Variants in ST3GAL2 observed in about 807,000 individuals in gnomAD.
The protein encoded by ST3GAL2 is ST3 beta-galactoside alpha-2,3-sialyltransferase 2.
A neutral mutation model predicts 37.5 loss-of-function variants in ST3GAL2; 16 were observed. The observed-to-expected ratio is 0.43, with a 90% CI of 0.29 to 0.65. The LOEUF is 0.65. Ranked by LOEUF, ST3GAL2 falls within the 30% of genes least tolerant of loss-of-function variation. ST3GAL2 has a pLI of 0.17. For synonymous variants in ST3GAL2, 238 were observed against 202.9 expected (o/e 1.17, Z -1.47); for missense variants, 383 against 487.8 (o/e 0.79, Z 2.02).
At chr16:70,403,139 G>A (rs2047567210) in intron 1 of ST3GAL2, among the ~76,000 whole-genome samples, 1 of 129,598 alleles carries the variant, frequency 7.7e-6, no homozygotes, top group African/African-American at 4.9e-5. Context: ...TATCCCAGGT[G>A]GTGGAGGTGG....
chr16:70,381,445 G>A lies in ST3GAL2; in HGVS notation c.*244C>T, dbSNP rs1181542775. On this transcript the variant is annotated 3_prime_UTR_variant, in exon 7 of 7. Transcript: ENST00000342907. ...CGCCCCCGAAGGCCATTGATTGGAG[G>A]AGACTGGACACAGCGCCGGAAGTTT... 8 of 529,846 alleles carry A rather than the reference G, an allele frequency of 1.5e-5. No homozygotes were observed. Among genetic ancestry groups the A allele is most frequent in the Non-Finnish European group, 2.3e-5 (7 of 297,996 alleles). The allele number at this position is 529,846 out of a possible 1,614,324, so 32.8% of individuals were successfully genotyped here.
intron 1 of ST3GAL2, among the ~76,000 whole-genome samples, chr16:70,408,903 AAAAAAAAAAAAAAAAAAAAAAAAAG>A (rs2047614287): frequency 3.6e-5 from 4 of 110,116 alleles, no homozygotes; most frequent in African/African-American, 2.0e-4. Context: ...AAAAAAAAAA[AAAAAAAAAAAAAAAAAAAAAAAAAG>A]AAAGAAAAAA....
rs942319982 is a variant in ST3GAL2 at position 70,381,692 on chromosome 16, G to C, written c.1050C>G (p.Asn350Lys). Reference sequence around the variant, plus strand: ...AAGGGTCGCGGCGAGGCCCGGCTCAGTTGCCCCGGTAGACTTCGATCTTGC... The same window carrying C: ...AAGGGTCGCGGCGAGGCCCGGCTCACTTGCCCCGGTAGACTTCGATCTTGC... Reference protein sequence around the residue: ...KASKIEVYRGN With the variant: ...KASKIEVYRGK The change falls in exon 7 of 7, where the codon AAC becomes AAG. Residue 350 changes from asparagine to lysine, a missense_variant. By Grantham distance (94) the Asn-to-Lys change is moderately conservative. Coordinates refer to ENST00000342907, the MANE Select transcript of ST3GAL2 (RefSeq NM_006927.4). The C allele has an allele frequency of 5.0e-6, 8 of 1,613,222 alleles. No individual in the cohort carries two copies. In the African/African-American group the frequency reaches 8.0e-5, roughly 16 times the overall value.
rs1281889773 is a variant in ST3GAL2 at position 70,398,534 on chromosome 16, G to T, written c.-4C>A. On this transcript the variant is annotated 5_prime_UTR_variant, in exon 2 of 7. Transcript: ENST00000342907. ...ACACCCGCAGGGAGCACTTCATGGT[G>T]CCGGCAGGCGGGTGACGGTCACCGT... The T allele has an allele frequency of 1.3e-6, 2 of 1,588,240 alleles. No homozygotes were observed. Among genetic ancestry groups the T allele is most frequent in the Non-Finnish European group, 8.6e-7 (1 of 1,167,340 alleles).
chr16:70,405,409 C>T (rs1404777240), intron 1 of ST3GAL2, among the ~76,000 whole-genome samples: 4 of 151,602 alleles, frequency 2.6e-5, no homozygotes, highest in African/African-American at 9.7e-5. Context: ...GGCATGGTGG[C>T]GGGAGCCTGT....
chr16:70,384,178 T>C (rs879612223), intron 4 of ST3GAL2, among the ~76,000 whole-genome samples: 1 of 152,096 alleles, frequency 6.6e-6, no homozygotes, highest in Admixed American at 6.6e-5. Context: ...GTTTATAAAA[T>C]ACATGGTGAT....
At chr16:70,421,618 C>G (rs939019645) in intron 1 of ST3GAL2, among the ~76,000 whole-genome samples, 1 of 152,216 alleles carries the variant, frequency 6.6e-6, no homozygotes, top group South Asian at 2.1e-4. Flanking sequence ...ACACAGGCAT[C>G]GCCCACATGA....
chr16:70,425,612 G>A (rs961752384), intron 1 of ST3GAL2, among the ~76,000 whole-genome samples: 3 of 152,066 alleles, frequency 2.0e-5, no homozygotes, highest in African/African-American at 7.2e-5. Flanking sequence ...CCAGCTACTC[G>A]GGAAGCTGAC....
chr16:70,435,230 A>G (rs927298647), intron 1 of ST3GAL2, among the ~76,000 whole-genome samples: 1 of 152,192 alleles, frequency 6.6e-6, no homozygotes, highest in Non-Finnish European at 1.5e-5. Flanking sequence ...GAATGAAAGA[A>G]AAGCCAAACC....
At chr16:70,398,134 G>C in intron 2 of ST3GAL2, 58 bp downstream of exon 2, 1 of 1,555,814 alleles carries the variant, frequency 6.4e-7, no homozygotes, top group African/African-American at 1.4e-5. Context: ...CCAAGAGGGG[G>C]CTCTGAGTGG....
chr16:70,411,895 G>A (rs767598665), intron 1 of ST3GAL2, among the ~76,000 whole-genome samples: 23 of 151,946 alleles, frequency 1.5e-4, no homozygotes, highest in Non-Finnish European at 3.1e-4. Flanking sequence ...TCAGGAGGGT[G>A]AGGTGGGAGA....
intron 1 of ST3GAL2, among the ~76,000 whole-genome samples, chr16:70,409,246 AAC>A (rs2047618698): frequency 6.6e-6 from 1 of 152,234 alleles, no homozygotes; most frequent in South Asian, 2.1e-4. Context: ...GAGCCTGGGC[AAC>A]AGAGTGAGAC....
chr16:70,409,805 A>ATTTTTTTTTT (rs980660367), intron 1 of ST3GAL2, among the ~76,000 whole-genome samples: 1 of 129,060 alleles, frequency 7.7e-6, no homozygotes. Flanking sequence ...ACCTGGCTAA[A>ATTTTTTTTTT]TTTTTTTTTT....
rs754022182 is a variant in ST3GAL2 at position 70,381,645 on chromosome 16, C to T, written c.*44G>A. ...GGTCCTGGGTCCCGGGCCGGAGCCC[C>T]GGTGCCCGATAGATGGGCCGGAAGG... On this transcript the variant is annotated 3_prime_UTR_variant, in exon 7 of 7. Coordinates refer to ENST00000342907, the MANE Select transcript of ST3GAL2 (RefSeq NM_006927.4). The T allele has an allele frequency of 5.0e-6, 8 of 1,597,898 alleles. No homozygotes were observed. In the East Asian group the frequency reaches 1.6e-4, roughly 31 times the overall value.
intron 1 of ST3GAL2, among the ~76,000 whole-genome samples, chr16:70,408,307 C>T (rs575193093): frequency 6.6e-5 from 10 of 152,120 alleles, no homozygotes; most frequent in East Asian, 3.9e-4. Flanking sequence ...TCAAAACATT[C>T]GCTGTGCCCC....
At chr16:70,406,289 A>G (rs868379763) in intron 1 of ST3GAL2, among the ~76,000 whole-genome samples, 29 of 151,422 alleles carry the variant, frequency 1.9e-4, no homozygotes, top group Middle Eastern at 3.2e-3. Flanking sequence ...ACTAAAAATA[A>G]CAAAACTTAG....
At chr16:70,409,034 C>T (rs2047617000) in intron 1 of ST3GAL2, among the ~76,000 whole-genome samples, 1 of 151,736 alleles carries the variant, frequency 6.6e-6, no homozygotes, top group South Asian at 2.1e-4. Flanking sequence ...TCAGATCCAC[C>T]ACCTGCTACC....
intron 1 of ST3GAL2, among the ~76,000 whole-genome samples, chr16:70,428,526 CA>C (rs2047766845): frequency 6.6e-6 from 1 of 152,238 alleles, no homozygotes; most frequent in Non-Finnish European, 1.5e-5. Flanking sequence ...CAGAGGCTGC[CA>C]GAAAGCCTGC....
intron 1 of ST3GAL2, among the ~76,000 whole-genome samples, chr16:70,433,549 G>A (rs1026821258): frequency 5.9e-5 from 9 of 152,096 alleles, no homozygotes; most frequent in Admixed American, 5.2e-4. Flanking sequence ...AGGGAACAAG[G>A]GAACACGGCC....
Sources: allele counts gnomAD v4.1 joint callset (sites outside exome capture counted in the v4.1 genomes callset), GRCh38; gene constraint gnomAD v4.1.1; transcripts MANE v1.5; gene names NCBI Gene and HGNC (gene_info 2026-07-23, HGNC 2026-07-21).